Variants in MAP3K13 observed in about 807,000 individuals in gnomAD.
MAP3K13 encodes the protein mitogen-activated protein kinase kinase kinase 13, also known as leucine zipper-bearing kinase.
Under a neutral mutation model 104.0 loss-of-function variants are expected in MAP3K13, and 52 were observed. The observed-to-expected ratio is 0.50, with a 90% CI of 0.40 to 0.63. The LOEUF (loss-of-function observed/expected upper bound fraction) is 0.63. Ranked by LOEUF, MAP3K13 falls within the 20% of genes least tolerant of loss-of-function variation. The pLI is 0.00. For missense variants in MAP3K13, 914 were observed against 1,218.5 expected (o/e 0.75, Z 3.72); for synonymous variants, 394 against 442.2 (o/e 0.89, Z 1.37).
intron 11 of MAP3K13, among the ~76,000 whole-genome samples, chr3:185,475,987 A>T (rs1718100544): frequency 6.6e-6 from 1 of 152,158 alleles, no homozygotes; most frequent in Non-Finnish European, 1.5e-5. Flanking sequence ...TAATTTGCAT[A>T]CCATACAGTC....
chr3:185,317,829 G>A (rs1452226007), intron 2 of MAP3K13, among the ~76,000 whole-genome samples: 4 of 152,016 alleles, frequency 2.6e-5, no homozygotes, highest in Non-Finnish European at 5.9e-5. Flanking sequence ...CAAGTTCAAG[G>A]TATTGAGACA....
chr3:185,329,002 C>T (rs1331072757), intron 2 of MAP3K13: 2 of 470,226 alleles, frequency 4.3e-6, no homozygotes, highest in African/African-American at 3.9e-5. Flanking sequence ...ATGACATTTT[C>T]ATATAAAAAG....
At chr3:185,408,121 A>G (rs1254975344) in intron 1 of MAP3K13, among the ~76,000 whole-genome samples, 5 of 152,112 alleles carry the variant, frequency 3.3e-5, no homozygotes, top group African/African-American at 7.2e-5. Flanking sequence ...ACATTTAACT[A>G]GAAATCTTGT....
chr3:185,314,981 G>A (rs62288703), intron 2 of MAP3K13, among the ~76,000 whole-genome samples: 8,512 of 151,846 alleles, frequency 0.056, 311 homozygotes, highest in Non-Finnish European at 0.078. Context: ...GGCCAGGTGC[G>A]GTGGCTCATG....
intron 1 of MAP3K13, among the ~76,000 whole-genome samples, chr3:185,388,064 A>G: frequency 6.6e-6 from 1 of 152,120 alleles, no homozygotes; most frequent in African/African-American, 2.4e-5. Context: ...CACAAAATAT[A>G]TACCAACAAC....
intron 1 of MAP3K13, among the ~76,000 whole-genome samples, chr3:185,365,057 T>G (rs529751691): frequency 7.9e-5 from 12 of 152,198 alleles, no homozygotes; most frequent in Non-Finnish European, 1.0e-4. Flanking sequence ...GACTCTGTCT[T>G]TGATGCACAT....
At chr3:185,356,262 A>G (rs956080517) in intron 2 of MAP3K13, among the ~76,000 whole-genome samples, 8 of 152,218 alleles carry the variant, frequency 5.3e-5, no homozygotes, top group Admixed American at 5.2e-4. Flanking sequence ...TAGTACAGGG[A>G]ATCTGATTTT....
At chr3:185,468,243 C>G (rs1437165880) in intron 10 of MAP3K13, among the ~76,000 whole-genome samples, 1 of 152,168 alleles carries the variant, frequency 6.6e-6, no homozygotes, top group Non-Finnish European at 1.5e-5. Flanking sequence ...TTACCTATAT[C>G]TAACCATATG....
At chr3:185,326,775 C>T (rs1167101075) in intron 2 of MAP3K13, among the ~76,000 whole-genome samples, 1 of 151,890 alleles carries the variant, frequency 6.6e-6, no homozygotes, top group Non-Finnish European at 1.5e-5. Context: ...GGGCCAAAGA[C>T]TTAGGAGGCC....
At chr3:185,353,166 A>G (rs1175743357) in intron 2 of MAP3K13, among the ~76,000 whole-genome samples, 2 of 152,184 alleles carry the variant, frequency 1.3e-5, no homozygotes, top group African/African-American at 2.4e-5. Flanking sequence ...ATCAGTGTTT[A>G]TAGTAAAGAG....
upstream of MAP3K13, among the ~76,000 whole-genome samples, chr3:185,360,353 G>T (rs1398561348): frequency 2.0e-5 from 3 of 152,150 alleles, no homozygotes; most frequent in Admixed American, 2.0e-4. Context: ...TCTATGGAAT[G>T]CTCCATAATC....
chr3:185,336,037 A>G (rs1722487751), intron 2 of MAP3K13, among the ~76,000 whole-genome samples: 1 of 152,056 alleles, frequency 6.6e-6, no homozygotes, highest in Non-Finnish European at 1.5e-5. Context: ...TAGTTTACTG[A>G]TGAATCAGAT....
At chr3:185,412,372 A>ATT (rs1304350001) in intron 1 of MAP3K13, among the ~76,000 whole-genome samples, 1 of 152,008 alleles carries the variant, frequency 6.6e-6, no homozygotes, top group Non-Finnish European at 1.5e-5. Context: ...TGTCATCCTC[A>ATT]TTTTGGACAG....
chr3:185,308,699 T>C (rs1721392243), intron 2 of MAP3K13, among the ~76,000 whole-genome samples: 1 of 152,214 alleles, frequency 6.6e-6, no homozygotes, highest in African/African-American at 2.4e-5. Context: ...AACCATTCCC[T>C]TGGGCACTTC....
At chr3:185,310,931 G>T (rs1381874217) in intron 2 of MAP3K13, among the ~76,000 whole-genome samples, 1 of 152,092 alleles carries the variant, frequency 6.6e-6, no homozygotes, top group Non-Finnish European at 1.5e-5. Flanking sequence ...ATAAGCAAAG[G>T]TCGTACTCAC....
chr3:185,365,144 T>C (rs949003222), intron 1 of MAP3K13, among the ~76,000 whole-genome samples: 19 of 152,200 alleles, frequency 1.2e-4, no homozygotes, highest in African/African-American at 4.6e-4. Flanking sequence ...AACTGTTACT[T>C]TAAGGCACAG....
chr3:185,420,974 G>A (rs897362045), intron 1 of MAP3K13, among the ~76,000 whole-genome samples: 1 of 152,008 alleles, frequency 6.6e-6, no homozygotes, highest in Non-Finnish European at 1.5e-5. Context: ...TACTAATTTT[G>A]CACAAACCAC....
At chr3:185,286,631 C>G (rs1720524482) in intron 2 of MAP3K13, among the ~76,000 whole-genome samples, 1 of 152,032 alleles carries the variant, frequency 6.6e-6, no homozygotes, top group Non-Finnish European at 1.5e-5. Context: ...ATGGAAAAAT[C>G]TCTAATATAC....
intron 1 of MAP3K13, among the ~76,000 whole-genome samples, chr3:185,410,263 A>G (rs1237181276): frequency 6.6e-6 from 1 of 152,176 alleles, no homozygotes; most frequent in East Asian, 1.9e-4. Flanking sequence ...AAAGTTAAAC[A>G]CCACATGTTC....
Sources: gnomAD v4.1 joint callset for allele counts (sites outside exome capture counted in the v4.1 genomes callset) on GRCh38, gnomAD v4.1.1 for gene constraint, MANE v1.5 for transcripts, NCBI Gene and HGNC (gene_info 2026-07-23, HGNC 2026-07-21) for gene names.